HPD: variants seen among roughly 807,000 people sequenced by gnomAD.
HPD encodes the protein 4-hydroxyphenylpyruvate dioxygenase, also known as 4-hydroxyphenylpyruvic acid oxidase.
In HPD, 35 loss-of-function variants were observed where a neutral mutation model predicts 56.9. That is an observed-to-expected ratio of 0.62 (90% CI 0.47 to 0.82). The LOEUF (loss-of-function observed/expected upper bound fraction) is 0.82, where lower values mean the gene tolerates loss of function less well. HPD is among the 40% of genes least tolerant of loss of function. The pLI, the probability that HPD is intolerant of heterozygous loss-of-function variation, is 0.00. For missense variants in HPD, 442 were observed against 506.8 expected, an observed-to-expected ratio of 0.87 and a Z score of 1.23; for synonymous variants, 186 against 200.2, an observed-to-expected ratio of 0.93 and a Z score of 0.60.
the HPD span, among the ~76,000 whole-genome samples, chr12:121,877,612 A>G: frequency 6.6e-6 from 1 of 152,160 alleles, no homozygotes; most frequent in Admixed American, 6.6e-5. Context: ...ACATGCCTGT[A>G]ATCCCAGCTA....
chr12:121,862,596 CTTTTTTTTTTTT>C (rs146807602), upstream of HPD, among the ~76,000 whole-genome samples: 44 of 43,094 alleles, frequency 1.0e-3, 3 homozygotes, highest in East Asian at 0.021. Flanking sequence ...CGCTCTCGGC[CTTTTTTTTTTTT>C]TTTTTTTTTT....
At chr12:121,875,573 G>A in the HPD span, among the ~76,000 whole-genome samples, 8 of 151,856 alleles carry the variant, frequency 5.3e-5, no homozygotes, top group South Asian at 4.1e-4. Flanking sequence ...TTATAGGTAT[G>A]TGCCACCAAG....
rs777361065 is a variant in HPD at position 121,858,677 on chromosome 12, G to A, written c.30+10C>T. 15 of 1,613,454 alleles carry A rather than the reference G, an allele frequency of 9.3e-6. No homozygotes were observed. The highest frequency in any genetic ancestry group is 4.0e-5 in the African/African-American group (3 of 74,832). ...CAGGCCCCTACATTTCCCACATTTC[G>A]CCTGCTTACCTTTGCCCCTTTGTCA... On this transcript the variant is annotated intron_variant, in intron 2 of 13. Transcript: ENST00000289004.
intron 12 of HPD, among the ~76,000 whole-genome samples, chr12:121,842,840 C>T (rs989919426): frequency 2.7e-5 from 4 of 147,806 alleles, no homozygotes; most frequent in African/African-American, 7.5e-5. Context: ...CTCCGCCTCC[C>T]GGGTTCAAGT....
intron 7 of HPD, among the ~76,000 whole-genome samples, chr12:121,850,148 G>A (rs1420739733): frequency 1.3e-5 from 2 of 152,040 alleles, no homozygotes; most frequent in Admixed American, 6.6e-5. Flanking sequence ...GCAGCCTGGC[G>A]CGGTGGCTTA....
rs143204806 is a variant in HPD at position 121,845,064 on chromosome 12, A to T, written c.832-1232T>A. On this transcript the variant is annotated intron_variant, in intron 11 of 13. Transcript: ENST00000289004. ...GCACCACTGCACTCCAGCCTAGAAG[A>T]CAGAGCAAGACTGCATCTCAAAAAA... 2.6e-4 allele frequency among the ~76,000 whole-genome samples: 39 copies of T among 148,994 alleles called. 5 individuals carry two copies. The highest frequency in any genetic ancestry group is 1.0e-3 in the African/African-American group (39 of 38,664).
intron 9 of HPD, among the ~76,000 whole-genome samples, chr12:121,848,109 G>A (rs77132897): frequency 0.018 from 2,758 of 152,164 alleles, 86 homozygotes; most frequent in African/African-American, 0.063. Flanking sequence ...GGGGCTCTCT[G>A]GGTGGTGGCA....
intron 5 of HPD, 88 bp downstream of exon 5, chr12:121,856,495 G>A: frequency 1.3e-6 from 2 of 1,597,722 alleles, no homozygotes; most frequent in Non-Finnish European, 1.7e-6. Flanking sequence ...CCTGAACCCA[G>A]AGCCCACCCA....
Position 121,839,929 on chromosome 12 carries a change from T to A in HPD, c.1071+3A>T, listed in dbSNP as rs774919315. 6 of 1,612,104 alleles carry A rather than the reference T, an allele frequency of 3.7e-6. No homozygotes were observed. In the East Asian group the frequency reaches 6.7e-5, roughly 18 times the overall value. On this transcript the variant is annotated splice_donor_region_variant and intron_variant, in intron 13 of 13. Coordinates refer to ENST00000289004, the MANE Select transcript of HPD (RefSeq NM_002150.3). ...CCTCGGGCCTGCCGGGGACAAGCAG[T>A]ACCTGGTGGTTGTGGCGCTGGATGA...
chr12:121,841,410 G>C (rs372556313), intron 12 of HPD, among the ~76,000 whole-genome samples: 58 of 152,208 alleles, frequency 3.8e-4, no homozygotes, highest in African/African-American at 1.3e-3. Context: ...ATGTGACCTA[G>C]CTACTCCTAG....
rs780501941 is a variant in HPD at position 121,847,177 on chromosome 12, C to T, written c.634G>A (p.Val212Met). The T allele has an allele frequency of 2.5e-5, 40 of 1,614,024 alleles. No homozygotes were observed. Among genetic ancestry groups the T allele is most frequent in the Middle Eastern group, 1.6e-4 (1 of 6,084 alleles). ...KNLQFHRFWS[V>M]DDTQVHTEYS... ...TCCGTGTGCACCTGCGTGTCATCCA[C>T]GGACCAGAAGCGGTGGAACTGCAGG... The change falls in exon 10 of 14, where the codon GTG (valine) becomes ATG (methionine). Residue 212 changes from valine to methionine, a missense_variant. Coordinates refer to ENST00000289004, the MANE Select transcript of HPD (RefSeq NM_002150.3).
At chr12:121,858,296 C>A (rs780291920) in intron 2 of HPD, among the ~76,000 whole-genome samples, 1 of 152,050 alleles carries the variant, frequency 6.6e-6, no homozygotes, top group Non-Finnish European at 1.5e-5. Context: ...TGATCTCCCC[C>A]ACCTTAGCCT....
At chr12:121,849,322 G>A (rs1877687041) in intron 8 of HPD, among the ~76,000 whole-genome samples, 2 of 151,956 alleles carry the variant, frequency 1.3e-5, no homozygotes, top group South Asian at 2.1e-4. Context: ...GAGCCACTGC[G>A]CCTGGACTCA....
At chr12:121,848,150 G>A (rs1208008815) in intron 9 of HPD, among the ~76,000 whole-genome samples, 1 of 152,030 alleles carries the variant, frequency 6.6e-6, no homozygotes, top group African/African-American at 2.4e-5. Context: ...GGACTGTGAT[G>A]TCCCCAGGGT....
chr12:121,853,633 A>G (rs1172372070), intron 7 of HPD, among the ~76,000 whole-genome samples: 10 of 145,050 alleles, frequency 6.9e-5, no homozygotes, highest in African/African-American at 2.0e-4. Flanking sequence ...AAAAAAAAAA[A>G]AAAAAGAAAA....
At chr12:121,870,136 A>G in the HPD span, among the ~76,000 whole-genome samples, 1 of 151,676 alleles carries the variant, frequency 6.6e-6, no homozygotes, top group Admixed American at 6.6e-5. Flanking sequence ...CAGAAGGAAC[A>G]TGATTCACCA....
At chr12:121,885,065 A>AT in the HPD span, among the ~76,000 whole-genome samples, 1 of 151,810 alleles carries the variant, frequency 6.6e-6, no homozygotes, top group Admixed American at 6.6e-5. Context: ...TGATTTTTGT[A>AT]TTTTTAGTAG....
chr12:121,888,346 C>T, the HPD span, among the ~76,000 whole-genome samples: 132 of 152,260 alleles, frequency 8.7e-4, no homozygotes, highest in Non-Finnish European at 1.7e-3. Context: ...GACCTAGGGT[C>T]ACACAGATTG....
chr12:121,849,730 CAG>C lies in HPD; in HGVS notation c.473_474del (p.Pro158ArgfsTer3). On this transcript the variant is annotated frameshift_variant, in exon 8 of 14. Transcript: ENST00000289004. LOFTEE classifies it high-confidence loss of function. ...EKMNYIGQFL[P>X]GYEAPAFMDP... ...TCCATGAACGCTGGGGCCTCATATC[CAG>C]GCAAGAATTGGCCGATGTAGTTCAT... 1 of 1,614,000 alleles carries C rather than the reference CAG, an allele frequency of 6.2e-7. No homozygotes were observed. Among genetic ancestry groups the C allele is most frequent in the Non-Finnish European group, 8.5e-7 (1 of 1,179,910 alleles).
Sources: allele counts gnomAD v4.1 joint callset (sites outside exome capture counted in the v4.1 genomes callset), GRCh38; gene constraint gnomAD v4.1.1; transcripts MANE v1.5; gene names NCBI Gene and HGNC (gene_info 2026-07-23, HGNC 2026-07-21).